The following RAPGEF1 variants were observed in gnomAD, a reference collection of about 807,000 sequenced individuals.
The protein encoded by RAPGEF1 is CRK SH3-binding GNRP.
Under a neutral mutation model 143.3 loss-of-function variants are expected in RAPGEF1, and 33 were observed. That is an observed-to-expected ratio of 0.23 (90% CI 0.17 to 0.31). The LOEUF (loss-of-function observed/expected upper bound fraction) is 0.31. RAPGEF1 is among the 10% of genes least tolerant of loss of function. RAPGEF1 has a pLI of 1.00. For missense variants in RAPGEF1, 1,199 were observed against 1,645.4 expected (o/e 0.73, Z 4.69); for synonymous variants, 629 against 676.5 (o/e 0.93, Z 1.09).
intron 15 of RAPGEF1, 89 bp downstream of exon 15, chr9:131,601,971 AG>A: frequency 2.3e-6 from 2 of 888,052 alleles, no homozygotes; most frequent in Non-Finnish European, 1.7e-6. Flanking sequence ...CCTCAGGCCT[AG>A]GGGCTAGCTG....
rs777103180 is a variant in RAPGEF1 at position 131,628,534 on chromosome 9, C to T, written c.1017+15G>A. ...CCTCCCTGCCTTCCCATGCAGGGAA[C>T]AGGGGCTGCATTACCTGCCTATTGA... On this transcript the variant is annotated intron_variant, in intron 8 of 26. Coordinates refer to ENST00000683357, the MANE Select transcript of RAPGEF1 (RefSeq NM_001377935.1). This position sits in a 1 kb window ranked among gnomAD's most constrained non-coding sequence, Gnocchi z 5.7. 8 of 1,610,982 alleles carry T rather than the reference C, an allele frequency of 5.0e-6. No homozygotes were observed. In the South Asian group the frequency reaches 8.8e-5, roughly 18 times the overall value.
intron 19 of RAPGEF1, 149 bp downstream of exon 19, chr9:131,589,736 TG>T (rs1953869355): frequency 1.4e-6 from 1 of 690,058 alleles, no homozygotes; most frequent in East Asian, 2.8e-5. Context: ...CATCTCACCC[TG>T]GTCTATCGGG....
rs139598528 is a variant in RAPGEF1 at position 131,623,668 on chromosome 9, C to T, written c.1703-1670G>A. Among the ~76,000 whole-genome samples, 937 of 152,312 alleles carry T rather than the reference C, an allele frequency of 6.2e-3. 17 individuals carry two copies. The highest frequency in any genetic ancestry group is 0.021 in the African/African-American group (871 of 41,558). On this transcript the variant is annotated intron_variant, in intron 10 of 26. Coordinates refer to ENST00000683357, the MANE Select transcript of RAPGEF1 (RefSeq NM_001377935.1). ...GCCAGCATTGCTGGGAAGGTTCAGC[C>T]GCCAGTGCTCAGGGCCTGGGACTGT...
chr9:131,590,012 C>T lies in RAPGEF1; in HGVS notation c.2775-34G>A, dbSNP rs762995475. 1.5e-5 allele frequency: 24 copies of T among 1,583,046 alleles called. No homozygotes were observed. The South Asian group carries it at 2.3e-4, about 15-fold the overall frequency. ...CGGGTTAAAGAAATAGCCATGTGGT[C>T]GGCTGAGGGTGGTGGAGTGGAGGAC... On this transcript the variant is annotated intron_variant, in intron 18 of 26. Transcript: ENST00000683357.
At chr9:131,680,365 G>A (rs1250430814) in intron 1 of RAPGEF1, among the ~76,000 whole-genome samples, 1 of 152,190 alleles carries the variant, frequency 6.6e-6, no homozygotes, top group Admixed American at 6.5e-5. Context: ...ATTGAAGGAG[G>A]AGAGGAGTGT....
intron 1 of RAPGEF1, among the ~76,000 whole-genome samples, chr9:131,723,854 T>C (rs567427184): frequency 6.6e-6 from 1 of 152,332 alleles, no homozygotes; most frequent in South Asian, 2.1e-4. Flanking sequence ...CGAGCTGCCA[T>C]ACTGTTTTCC....
chr9:131,604,808 A>G, intron 13 of RAPGEF1, 123 bp downstream of exon 13: 7 of 1,184,606 alleles, frequency 5.9e-6, no homozygotes, highest in East Asian at 6.0e-5. Flanking sequence ...GCAGCCCCCA[A>G]CTGCTAGTAA....
intron 5 of RAPGEF1, 118 bp from the exon 6 acceptor site, chr9:131,630,442 TC>T: frequency 1.1e-6 from 1 of 938,562 alleles, no homozygotes; most frequent in Non-Finnish European, 1.6e-6. Context: ...GCCTACAGAT[TC>T]CCCACGCACC....
intron 22 of RAPGEF1, among the ~76,000 whole-genome samples, chr9:131,587,159 C>CA (rs1289912896): frequency 1.6e-5 from 2 of 127,820 alleles, no homozygotes; most frequent in Admixed American, 7.5e-5. Context: ...CACACACACA[C>CA]CTGCAGAGCG....
chr9:131,735,169 T>C (rs1396777328), intron 1 of RAPGEF1, among the ~76,000 whole-genome samples: 2 of 152,076 alleles, frequency 1.3e-5, no homozygotes, highest in African/African-American at 4.8e-5. Flanking sequence ...CCTCAGGAGG[T>C]TGCTCCGTGA....
At position 131,709,747 on chromosome 9, in the gene RAPGEF1, AC is replaced by A. The variant is rs1441838138; in HGVS notation, c.61+30022del. ...CGTCTTTCCGGAGCAGCAACTGAGG[AC>A]CGAGTCACTGGCTGAAAGGGGATAT... On this transcript the variant is annotated intron_variant, in intron 1 of 26. Coordinates refer to ENST00000683357, the MANE Select transcript of RAPGEF1 (RefSeq NM_001377935.1). The A allele has an allele frequency of 5.0e-6, 8 of 1,610,856 alleles. No individual in the cohort carries two copies. In the African/African-American group the frequency reaches 5.4e-5, roughly 11 times the overall value.
chr9:131,731,660 G>A (rs1837084127), intron 1 of RAPGEF1, among the ~76,000 whole-genome samples: 2 of 152,174 alleles, frequency 1.3e-5, no homozygotes, highest in Non-Finnish European at 2.9e-5. Context: ...AAGCTATAGA[G>A]CAAATGCCTG....
At chr9:131,638,899 G>T in intron 4 of RAPGEF1, 108 bp from the exon 5 acceptor site, 1 of 1,179,466 alleles carries the variant, frequency 8.5e-7, no homozygotes, top group Non-Finnish European at 1.2e-6. Context: ...CTTTCTTTGT[G>T]CAAAATCCAT....
chr9:131,587,697 C>T (rs771121940), intron 22 of RAPGEF1, 39 bp downstream of exon 22: 1 of 1,585,706 alleles, frequency 6.3e-7, no homozygotes, highest in Non-Finnish European at 8.6e-7. Flanking sequence ...GACGTGCCAC[C>T]ATCCAGAGCA....
rs1230021383 is a variant in RAPGEF1, at chr9:131,739,895, G to C, written c.-65C>G. 3.8e-5 allele frequency: 35 copies of C among 922,114 alleles called. No homozygotes were observed. The highest frequency in any genetic ancestry group is 4.4e-5 in the Non-Finnish European group (34 of 774,476). 57.1% of individuals were successfully genotyped at this position (922,114 alleles called of 1,614,324 possible). On this transcript the variant is annotated 5_prime_UTR_variant, in exon 1 of 27. Transcript: ENST00000683357. ...GCGCCCGCCGCTCGCCTCGGCCCTGGCTCGCCACGCCTCAGACCCGCGCCG... is the reference window on the plus strand; with the variant it reads ...GCGCCCGCCGCTCGCCTCGGCCCTGCCTCGCCACGCCTCAGACCCGCGCCG...
chr9:131,673,698 G>A (rs1831781136), intron 1 of RAPGEF1, among the ~76,000 whole-genome samples: 1 of 152,122 alleles, frequency 6.6e-6, no homozygotes, highest in East Asian at 1.9e-4. Context: ...CACCCCCCCG[G>A]CCGCCCCACC....
chr9:131,638,827 T>TA (rs1966899954), intron 4 of RAPGEF1, 36 bp from the exon 5 acceptor site: 1 of 1,592,868 alleles, frequency 6.3e-7, no homozygotes, highest in Non-Finnish European at 8.6e-7. Flanking sequence ...AAAGAAAATC[T>TA]AAAGCATGAC....
At chr9:131,634,140 C>A (rs1287125394) in intron 5 of RAPGEF1, among the ~76,000 whole-genome samples, 1 of 152,132 alleles carries the variant, frequency 6.6e-6, no homozygotes, top group Non-Finnish European at 1.5e-5. Flanking sequence ...GTGGTCCCAG[C>A]TACTCCGGAG....
chr9:131,653,164 G>A (rs1008935678), intron 1 of RAPGEF1, among the ~76,000 whole-genome samples: 6 of 152,206 alleles, frequency 3.9e-5, no homozygotes, highest in Non-Finnish European at 8.8e-5. Context: ...CAAAATCCAC[G>A]ATGCTCAAGT....
Sources: gnomAD v4.1 joint callset for allele counts (sites outside exome capture counted in the v4.1 genomes callset) on GRCh38, gnomAD v4.1.1 for gene constraint, Gnocchi (gnomAD v3.1) non-coding constraint, MANE v1.5 for transcripts, NCBI Gene and HGNC (gene_info 2026-07-23, HGNC 2026-07-21) for gene names.